SGSM3: variants seen among roughly 807,000 people sequenced by gnomAD.
SGSM3 encodes the protein RUN and SH3 containing 3.
A neutral mutation model predicts 100.5 loss-of-function variants in SGSM3; 96 were observed. That is an observed-to-expected ratio of 0.96 (90% CI 0.81 to 1.13). SGSM3 has a LOEUF of 1.13. Ranked by LOEUF, SGSM3 falls within the 50% of genes most tolerant of loss-of-function variation. SGSM3 has a pLI of 0.00. For synonymous variants in SGSM3, 483 were observed against 422.8 expected (o/e 1.14, Z -1.75); for missense variants, 1,001 against 1,015.8 (o/e 0.99, Z 0.20).
In SGSM3 at chr22:40,404,322, A is replaced by T; in HGVS notation, c.233A>T (p.Gln78Leu). ...MEDAPQRLRW[Q>L]AHLEFTHNHD... Reference sequence around the variant, plus strand: ...GATGCTCCACAGAGGCTGCGGTGGCAGGCCCACCTGGAGTTCACCCATAAC... The same window carrying T: ...GATGCTCCACAGAGGCTGCGGTGGCTGGCCCACCTGGAGTTCACCCATAAC... The change falls in exon 5 of 22, where the codon CAG becomes CTG. Residue 78 changes from glutamine (Q) to leucine (L), a missense_variant. Transcript: ENST00000248929. The T allele has an allele frequency of 6.3e-7, 1 of 1,583,904 alleles. No homozygotes were observed.
rs895348302 is a variant in SGSM3, at chr22:40,410,286, G to A, written c.*527G>A. 3 of 600,156 alleles carry A rather than the reference G, an allele frequency of 5.0e-6. No homozygotes were observed. Among genetic ancestry groups the A allele is most frequent in the African/African-American group, 1.9e-5 (1 of 51,648 alleles). The allele number at this position is 600,156 out of a possible 1,614,324, so 37.2% of individuals were successfully genotyped here. The stretch of plus-strand genomic sequence containing the variant: ...ATGGACTGAATAAGATGGACTAACA[G>A]GCCTGTGTTTTTGTGTTTATTTTAA... On this transcript the variant is annotated 3_prime_UTR_variant, in exon 22 of 22. Coordinates refer to ENST00000248929, the MANE Select transcript of SGSM3 (RefSeq NM_015705.6).
At chr22:40,404,221 T>C in intron 4 of SGSM3, 26 bp from the exon 5 acceptor site, 1 of 1,501,522 alleles carries the variant, frequency 6.7e-7, no homozygotes, top group African/African-American at 1.4e-5. Context: ...ATGCTTTTTC[T>C]TTCCTCCTTG....
chr22:40,402,337 G>C (rs1261644240), intron 4 of SGSM3, 132 bp downstream of exon 4: 1 of 711,542 alleles, frequency 1.4e-6, no homozygotes, highest in African/African-American at 1.7e-5. Context: ...AGGACAGAGT[G>C]TATCTGAGGG....
chr22:40,395,233 C>T (rs925752257), intron 1 of SGSM3, among the ~76,000 whole-genome samples: 2 of 152,084 alleles, frequency 1.3e-5, no homozygotes, highest in African/African-American at 4.8e-5. Context: ...CTACCTCTGA[C>T]ATCTCCCCAT....
At chr22:40,408,577 G>T in intron 16 of SGSM3, 50 bp from the exon 17 acceptor site, 1 of 1,609,428 alleles carries the variant, frequency 6.2e-7, no homozygotes. Flanking sequence ...CAAGGGCTTT[G>T]AACCAGCATC....
chr22:40,374,067 C>T (rs1827408472), intron 1 of SGSM3, among the ~76,000 whole-genome samples: 1 of 152,172 alleles, frequency 6.6e-6, no homozygotes, highest in African/African-American at 2.4e-5. Context: ...ATTCTCCTGC[C>T]TCAGCCTCCT....
Position 40,409,483 on chromosome 22 carries a change from C to T in SGSM3, c.2130C>T (p.Ala710=), listed in dbSNP as rs1602160866. The T allele has an allele frequency of 6.3e-7, 1 of 1,585,786 alleles. No individual in the cohort carries two copies. Among genetic ancestry groups the T allele is most frequent in the African/African-American group, 1.4e-5 (1 of 73,440 alleles). The change falls in exon 21 of 22, where the codon GCC becomes GCT. Residue 710 remains alanine, a synonymous_variant. Transcript: ENST00000248929. Reference sequence around the variant, plus strand: ...CCTCTAGAGTCCTCTGCTGCTTTGCCTTCAGCCTCTCCCAGGACTGGGAGC... The same window carrying T: ...CCTCTAGAGTCCTCTGCTGCTTTGCTTTCAGCCTCTCCCAGGACTGGGAGC... ...KCELRVLCCF[A]FSLSQDWELP... is the part of the protein sequence containing the mutation.
At chr22:40,389,328 G>A (rs2048982087) in intron 1 of SGSM3, among the ~76,000 whole-genome samples, 1 of 152,162 alleles carries the variant, frequency 6.6e-6, no homozygotes, top group Non-Finnish European at 1.5e-5. Context: ...GGCCGGGCGC[G>A]GTGGCTCACG....
At chr22:40,408,152 GC>G in intron 15 of SGSM3, 32 bp downstream of exon 15, 1 of 1,610,642 alleles carries the variant, frequency 6.2e-7, no homozygotes. Context: ...GGCACGGCTG[GC>G]ACCCTTCTAG....
chr22:40,406,737 G>T (rs567850727), intron 10 of SGSM3, 75 bp downstream of exon 10: 3 of 1,278,894 alleles, frequency 2.3e-6, no homozygotes, highest in East Asian at 2.5e-5. Context: ...TTCAGAGCGC[G>T]GGGGCTGCGG....
At chr22:40,405,337 C>T (rs2051325633) in intron 7 of SGSM3, 53 bp downstream of exon 7, 2 of 1,425,616 alleles carry the variant, frequency 1.4e-6, no homozygotes, top group Non-Finnish European at 1.8e-6. Context: ...CCTCCAGGAC[C>T]CTAACAAGGA....
In SGSM3 at chr22:40,400,791, C is replaced by A. The variant is rs1274109980; in HGVS notation, c.-16C>A. On this transcript the variant is annotated 5_prime_UTR_variant, in exon 2 of 22. Coordinates refer to ENST00000248929, the MANE Select transcript of SGSM3 (RefSeq NM_015705.6). ...TAAGATTGGAGCTGCAGAAGACTTG[C>A]CAGCCCACCAGCACAATGTCAGGTA... 2.1e-5 allele frequency: 32 copies of A among 1,549,938 alleles called. No individual in the cohort carries two copies. The highest frequency in any genetic ancestry group is 2.7e-5 in the Non-Finnish European group (31 of 1,146,288).
chr22:40,404,215 T>G, intron 4 of SGSM3, 32 bp from the exon 5 acceptor site: 1 of 1,497,762 alleles, frequency 6.7e-7, no homozygotes, highest in Non-Finnish European at 8.9e-7. Flanking sequence ...TAGAGAATGC[T>G]TTTTCTTTCC....
intron 1 of SGSM3, among the ~76,000 whole-genome samples, chr22:40,389,167 G>A (rs952298239): frequency 1.3e-5 from 2 of 152,120 alleles, no homozygotes; most frequent in African/African-American, 2.4e-5. Context: ...GGAGGAACTG[G>A]AAAAGGAGAC....
At chr22:40,378,967 G>A (rs1240819106) in intron 1 of SGSM3, among the ~76,000 whole-genome samples, 1 of 152,072 alleles carries the variant, frequency 6.6e-6, no homozygotes, top group Non-Finnish European at 1.5e-5. Flanking sequence ...GCTTCCATCA[G>A]CTCCTCACCT....
chr22:40,409,960 G>A lies in SGSM3; in HGVS notation c.*201G>A. ...CTGCCCCACCAGGGTCCTTAGGGAT[G>A]CTCTAGGCCAAACCACAGTTTGTAC... is the stretch of plus-strand genomic sequence containing the variant. On this transcript the variant is annotated 3_prime_UTR_variant, in exon 22 of 22. Coordinates refer to ENST00000248929, the MANE Select transcript of SGSM3 (RefSeq NM_015705.6). 1 of 1,373,816 alleles carries A rather than the reference G, an allele frequency of 7.3e-7. No individual in the cohort carries two copies. Among genetic ancestry groups the A allele is most frequent in the Non-Finnish European group, 9.3e-7 (1 of 1,070,476 alleles). 85.1% of individuals were successfully genotyped at this position (1,373,816 alleles called of 1,614,324 possible).
chr22:40,410,251 C>T lies in SGSM3; in HGVS notation c.*492C>T. 2.2e-6 allele frequency: 2 copies of T among 914,276 alleles called. No individual in the cohort carries two copies. The highest frequency in any genetic ancestry group is 2.7e-6 in the Non-Finnish European group (2 of 744,256). The allele number at this position is 914,276 out of a possible 1,614,324, so 56.6% of individuals were successfully genotyped here. ...AGACCCGGGACCCAGCTGTGCTACC[C>T]ACCCCTTCCATGGACTGAATAAGAT... On this transcript the variant is annotated 3_prime_UTR_variant, in exon 22 of 22. Coordinates refer to ENST00000248929, the MANE Select transcript of SGSM3 (RefSeq NM_015705.6).
intron 1 of SGSM3, among the ~76,000 whole-genome samples, chr22:40,389,151 A>G (rs1039944411): frequency 1.7e-4 from 26 of 152,168 alleles, no homozygotes; most frequent in African/African-American, 5.3e-4. Context: ...GAACAGGCAT[A>G]TAGGAGGAGG....
intron 4 of SGSM3, 187 bp from the exon 5 acceptor site, chr22:40,404,060 A>C (rs182605038): frequency 1.5e-4 from 67 of 447,754 alleles, no homozygotes; most frequent in Non-Finnish European, 2.2e-4. Context: ...TTTGCTCCTC[A>C]TGGGGTACAT....
Sources: allele counts gnomAD v4.1 joint callset (sites outside exome capture counted in the v4.1 genomes callset), GRCh38; gene constraint gnomAD v4.1.1; transcripts MANE v1.5; gene names NCBI Gene and HGNC (gene_info 2026-07-23, HGNC 2026-07-21).